The following ADAMTS12 variants were observed in gnomAD, a reference collection of about 807,000 sequenced individuals.
ADAMTS12 encodes ADAM metallopeptidase with thrombospondin type 1 motif 12, also known as A disintegrin and metalloproteinase with thrombospondin motifs 12.
A neutral mutation model predicts 167.8 loss-of-function variants in ADAMTS12; 118 were observed. That is an observed-to-expected ratio of 0.70 (90% CI 0.61 to 0.82). The LOEUF is 0.82. ADAMTS12 is among the 40% of genes least tolerant of loss of function. ADAMTS12 has a pLI of 0.00. For synonymous variants in ADAMTS12, 704 were observed against 716.9 expected, an observed-to-expected ratio of 0.98 and a Z score of 0.29; for missense variants, 1,916 against 1,998.8, an observed-to-expected ratio of 0.96 and a Z score of 0.79.
intron 2 of ADAMTS12, among the ~76,000 whole-genome samples, chr5:33,798,434 C>CTTTTTTTTTTTTTTTTTTTTTTTTTTT (rs3037113): frequency 1.4e-5 from 1 of 69,248 alleles, no homozygotes; most frequent in Non-Finnish European, 2.6e-5. Flanking sequence ...TTCTTTGTAT[C>CTTTTTTTTTTTTTTTTTTTTTTTTTTT]TTTTTTTTTT....
At chr5:33,759,207 G>T (rs9790860) in intron 2 of ADAMTS12, among the ~76,000 whole-genome samples, 3 of 152,074 alleles carry the variant, frequency 2.0e-5, no homozygotes, top group East Asian at 1.9e-4. Flanking sequence ...ACTCCCAAAC[G>T]GAGATTTCTT....
chr5:33,528,208 G>A (rs1743914798), intron 23 of ADAMTS12, among the ~76,000 whole-genome samples: 1 of 152,076 alleles, frequency 6.6e-6, no homozygotes, highest in Non-Finnish European at 1.5e-5. Context: ...ATTTATAAGT[G>A]GGAGCTAAGC....
In ADAMTS12 at chr5:33,874,220, C is replaced by A. The variant is rs559762487; in HGVS notation, c.489+6899G>T. On this transcript the variant is annotated intron_variant, in intron 2 of 23. Transcript: ENST00000504830. ...CAAAATTTACAAAGAACTCTTAATA[C>A]TCAACAATAAGGAAATTAGCAACCT... Among the ~76,000 whole-genome samples, 4 of 152,246 alleles carry A rather than the reference C, an allele frequency of 2.6e-5. No individual in the cohort carries two copies. In the South Asian group the frequency reaches 8.3e-4, roughly 32 times the overall value.
chr5:33,871,336 C>T (rs1750030939), intron 2 of ADAMTS12, among the ~76,000 whole-genome samples: 2 of 152,106 alleles, frequency 1.3e-5, no homozygotes, highest in African/African-American at 4.8e-5. Flanking sequence ...GGAAACACTA[C>T]CCAATTCATT....
intron 2 of ADAMTS12, among the ~76,000 whole-genome samples, chr5:33,859,481 A>T (rs1749523716): frequency 6.6e-6 from 1 of 152,220 alleles, no homozygotes; most frequent in Non-Finnish European, 1.5e-5. Context: ...TAAGCAGGGC[A>T]TCTCTGAAAG....
chr5:33,703,113 T>G (rs1667263357), intron 3 of ADAMTS12, among the ~76,000 whole-genome samples: 1 of 152,216 alleles, frequency 6.6e-6, no homozygotes, highest in Non-Finnish European at 1.5e-5. Flanking sequence ...AAACCATTTC[T>G]GACATTCTCT....
At chr5:33,553,533 A>C (rs1745350902) in intron 20 of ADAMTS12, among the ~76,000 whole-genome samples, 1 of 152,268 alleles carries the variant, frequency 6.6e-6, no homozygotes, top group African/African-American at 2.4e-5. Flanking sequence ...CTATGAAGCC[A>C]TAAAAAAGAA....
chr5:33,686,057 T>C (rs1374891534), intron 3 of ADAMTS12, among the ~76,000 whole-genome samples: 2 of 152,166 alleles, frequency 1.3e-5, no homozygotes, highest in Non-Finnish European at 2.9e-5. Context: ...GTCTCATCTT[T>C]CTCTAAGGCC....
intron 1 of ADAMTS12, among the ~76,000 whole-genome samples, chr5:33,884,259 C>T (rs1439290556): frequency 6.6e-6 from 1 of 152,180 alleles, no homozygotes; most frequent in Non-Finnish European, 1.5e-5. Context: ...AACCACGTCA[C>T]CCCTGCAGGG....
intron 20 of ADAMTS12, 46 bp from the exon 21 acceptor site, chr5:33,549,429 C>T: frequency 1.9e-6 from 3 of 1,583,736 alleles, no homozygotes; most frequent in Non-Finnish European, 2.6e-6. Flanking sequence ...TCATTGGCAT[C>T]AGGCCTCCCT....
intron 3 of ADAMTS12, among the ~76,000 whole-genome samples, chr5:33,737,215 G>A (rs1744405281): frequency 6.6e-6 from 1 of 152,170 alleles, no homozygotes; most frequent in Non-Finnish European, 1.5e-5. Context: ...TGGTTGACAG[G>A]CCCCTGTAAG....
At chr5:33,624,173 T>C (rs766525289) in intron 14 of ADAMTS12, 58 bp downstream of exon 14, 6 of 1,606,200 alleles carry the variant, frequency 3.7e-6, no homozygotes, top group Non-Finnish European at 5.1e-6. Context: ...CAATCAACCA[T>C]TTATCTTGCC....
At chr5:33,777,461 C>T (rs952387453) in intron 2 of ADAMTS12, among the ~76,000 whole-genome samples, 5 of 147,938 alleles carry the variant, frequency 3.4e-5, no homozygotes, top group African/African-American at 1.3e-4. Flanking sequence ...GCAGAAAGAG[C>T]ATTTGAAAAT....
chr5:33,677,292 A>G (rs1159446853), intron 5 of ADAMTS12, among the ~76,000 whole-genome samples: 1 of 152,224 alleles, frequency 6.6e-6, no homozygotes, highest in African/African-American at 2.4e-5. Flanking sequence ...TACAAGCCAG[A>G]TACTATGCTA....
At chr5:33,858,882 T>C (rs574635191) in intron 2 of ADAMTS12, among the ~76,000 whole-genome samples, 1 of 151,824 alleles carries the variant, frequency 6.6e-6, no homozygotes, top group East Asian at 2.0e-4. Context: ...GGATGGGGTG[T>C]CACCTTACCC....
intron 2 of ADAMTS12, among the ~76,000 whole-genome samples, chr5:33,860,137 G>C (rs919150422): frequency 6.6e-6 from 1 of 152,116 alleles, no homozygotes; most frequent in Admixed American, 6.5e-5. Context: ...TGCCAGCAAG[G>C]GAAGAAAACT....
chr5:33,745,951 G>A (rs991978703), intron 3 of ADAMTS12, among the ~76,000 whole-genome samples: 1 of 152,028 alleles, frequency 6.6e-6, no homozygotes, highest in African/African-American at 2.4e-5. Flanking sequence ...GTAAAATCTT[G>A]AAGCACTTTA....
intron 3 of ADAMTS12, among the ~76,000 whole-genome samples, chr5:33,707,521 C>G (rs960828191): frequency 6.6e-6 from 1 of 152,116 alleles, no homozygotes; most frequent in East Asian, 1.9e-4. Context: ...AAGAACAAAG[C>G]TGGAGGCATC....
chr5:33,629,160 A>C (rs2112139969), intron 13 of ADAMTS12, among the ~76,000 whole-genome samples: 1 of 152,322 alleles, frequency 6.6e-6, no homozygotes, highest in South Asian at 2.1e-4. Flanking sequence ...CTGAGGAGTG[A>C]ATGTGATGCT....
Sources: allele counts gnomAD v4.1 joint callset (sites outside exome capture counted in the v4.1 genomes callset), GRCh38; gene constraint gnomAD v4.1.1; transcripts MANE v1.5; gene names NCBI Gene and HGNC (gene_info 2026-07-23, HGNC 2026-07-21).